FNIP2: variants seen among roughly 807,000 people sequenced by gnomAD.
FNIP2 encodes folliculin-interacting protein 2.
In FNIP2, 32 loss-of-function variants were observed where a neutral mutation model predicts 108.7. The ratio of observed to expected loss-of-function variants is 0.29; its 90% confidence interval spans 0.22 to 0.40. The LOEUF (loss-of-function observed/expected upper bound fraction) is 0.40. FNIP2 is among the 10% of genes least tolerant of loss of function. The pLI is 1.00. For missense variants in FNIP2, 1,202 were observed against 1,381.6 expected, an observed-to-expected ratio of 0.87 and a Z score of 2.06; for synonymous variants, 480 against 496.7, an observed-to-expected ratio of 0.97 and a Z score of 0.45.
At chr4:158,792,194 G>T (rs1210002397) in intron 1 of FNIP2, among the ~76,000 whole-genome samples, 1 of 152,130 alleles carries the variant, frequency 6.6e-6, no homozygotes, top group Non-Finnish European at 1.5e-5. Flanking sequence ...ACCAAAATTT[G>T]TAACCCCAAA....
At chr4:158,872,497 T>C (rs1405577683) in intron 14 of FNIP2, 1 of 985,374 alleles carries the variant, frequency 1.0e-6, no homozygotes, top group Non-Finnish European at 1.2e-6. Context: ...GATCGAAAGT[T>C]ATTAAGCATA....
rs34074378 is a variant in FNIP2, at chr4:158,866,221, C to CTTTTTTTTTTTTTTTTTTTTTTTTTTTT, written c.1466-1866_1466-1865insTTTTTTTTTTTTTTTTTTTTTTTTTTTT. 1.7e-4 allele frequency among the ~76,000 whole-genome samples: 10 copies of CTTTTTTTTTTTTTTTTTTTTTTTTTTTT among 59,778 alleles called. 4 individuals are homozygous for CTTTTTTTTTTTTTTTTTTTTTTTTTTTT. Among genetic ancestry groups the CTTTTTTTTTTTTTTTTTTTTTTTTTTTT allele is most frequent in the Non-Finnish European group, 2.0e-4 (7 of 35,740 alleles). 39.2% of individuals were successfully genotyped at this position (59,778 alleles called of 152,430 possible). Reference sequence around the variant, plus strand: ...GATTTGTTCCAATATTCTGGTTATTCTTTTTTTTTTTTTTTGAGACAGAGT... The same window carrying CTTTTTTTTTTTTTTTTTTTTTTTTTTTT: ...GATTTGTTCCAATATTCTGGTTATTCTTTTTTTTTTTTTTTTTTTTTTTTTTTTTTTTTTTTTTTTTTTGAGACAGAGT... On this transcript the variant is annotated intron_variant, in intron 12 of 16. Coordinates refer to ENST00000264433, the MANE Select transcript of FNIP2 (RefSeq NM_020840.3).
chr4:158,798,150 A>G (rs764020601), intron 1 of FNIP2, among the ~76,000 whole-genome samples: 2 of 151,912 alleles, frequency 1.3e-5, no homozygotes, highest in Non-Finnish European at 2.9e-5. Context: ...CCGCAGCCTC[A>G]AACTCCTGGG....
intron 12 of FNIP2, among the ~76,000 whole-genome samples, chr4:158,863,509 C>T (rs141396884): frequency 2.0e-3 from 304 of 152,266 alleles, no homozygotes; most frequent in African/African-American, 6.0e-3. Context: ...GGGAGGGAAG[C>T]CGGATGCCAC....
At chr4:158,871,874 C>G (rs1780971389) in intron 14 of FNIP2, 1 of 985,248 alleles carries the variant, frequency 1.0e-6, no homozygotes, top group South Asian at 4.7e-5. Context: ...CTAAGTTGTC[C>G]AAAACGATGT....
At chr4:158,884,128 A>G (rs369712552) in intron 14 of FNIP2, among the ~76,000 whole-genome samples, 1 of 152,162 alleles carries the variant, frequency 6.6e-6, no homozygotes, top group Non-Finnish European at 1.5e-5. Flanking sequence ...GTGAAATACT[A>G]GTCATTTAAA....
At chr4:158,822,462 A>G (rs1357182445) in intron 1 of FNIP2, among the ~76,000 whole-genome samples, 1 of 152,130 alleles carries the variant, frequency 6.6e-6, no homozygotes, top group African/African-American at 2.4e-5. Flanking sequence ...GACATGAGCC[A>G]TTGTGCCTGA....
chr4:158,903,345 A>C (rs1729524268), intron 16 of FNIP2, among the ~76,000 whole-genome samples: 3 of 152,150 alleles, frequency 2.0e-5, no homozygotes, highest in Non-Finnish European at 4.4e-5. Flanking sequence ...AGCCGGGTAC[A>C]TCAGTTGGAA....
intron 1 of FNIP2, among the ~76,000 whole-genome samples, chr4:158,817,077 C>A (rs1578858419): frequency 6.6e-6 from 1 of 152,118 alleles, no homozygotes; most frequent in Admixed American, 6.5e-5. Context: ...CTGCCTTGGC[C>A]TCCCAAAGTG....
chr4:158,881,432 GGTCTCCCTCTCC>G, intron 14 of FNIP2, among the ~76,000 whole-genome samples: 1 of 119,328 alleles, frequency 8.4e-6, no homozygotes, highest in Non-Finnish European at 1.8e-5. Flanking sequence ...CTCTTTCCAC[GGTCTCCCTCTCC>G]CTCTCTTTCC....
At position 158,811,192 on chromosome 4, in the gene FNIP2, C is replaced by G. The variant is rs145063883; in HGVS notation, c.108-14724C>G. 3.3e-5 allele frequency among the ~76,000 whole-genome samples: 5 copies of G among 152,282 alleles called. No individual in the cohort carries two copies. In the South Asian group the frequency reaches 6.2e-4, roughly 19 times the overall value. ...GGGATATTTAGGTATCAGGTGTACA[C>G]CCATCCATCAGCCTTATGTCTTTAA... is the stretch of plus-strand genomic sequence containing the variant. On this transcript the variant is annotated intron_variant, in intron 1 of 16. Transcript: ENST00000264433.
chr4:158,872,041 A>C, intron 14 of FNIP2: 1 of 984,590 alleles, frequency 1.0e-6, no homozygotes, highest in Non-Finnish European at 1.2e-6. Context: ...TTTGATTTCT[A>C]ACAATATTGG....
chr4:158,898,181 T>C (rs1317486461), intron 16 of FNIP2, among the ~76,000 whole-genome samples: 1 of 152,204 alleles, frequency 6.6e-6, no homozygotes, highest in Non-Finnish European at 1.5e-5. Flanking sequence ...GCCTCAGTTC[T>C]GTTCCATTGG....
chr4:158,824,163 A>G lies in FNIP2; in HGVS notation c.108-1753A>G, dbSNP rs1407855390. Among the ~76,000 whole-genome samples, 4 of 152,108 alleles carry G rather than the reference A, an allele frequency of 2.6e-5. No homozygotes were observed. The East Asian group carries it at 7.7e-4, about 29-fold the overall frequency. The stretch of plus-strand genomic sequence containing the variant: ...TTCTTTAAAAATCATAACATTACCA[A>G]TCCTCTGAGGCAATTATTGCCATTT... On this transcript the variant is annotated intron_variant, in intron 1 of 16. Coordinates refer to ENST00000264433, the MANE Select transcript of FNIP2 (RefSeq NM_020840.3).
intron 8 of FNIP2, among the ~76,000 whole-genome samples, chr4:158,858,732 G>C (rs1261599948): frequency 6.6e-6 from 1 of 152,024 alleles, no homozygotes; most frequent in Non-Finnish European, 1.5e-5. Context: ...ACTATGTTTT[G>C]GATAAACAGA....
intron 14 of FNIP2, among the ~76,000 whole-genome samples, chr4:158,878,840 G>A (rs563740555): frequency 6.6e-6 from 1 of 152,172 alleles, no homozygotes; most frequent in African/African-American, 2.4e-5. Flanking sequence ...AGGATAATGT[G>A]ATAAATGATC....
chr4:158,784,614 G>C (rs1432644692), intron 1 of FNIP2, among the ~76,000 whole-genome samples: 2 of 152,228 alleles, frequency 1.3e-5, no homozygotes, highest in Non-Finnish European at 2.9e-5. Context: ...GATAGTGACA[G>C]ATCATCAGAC....
At chr4:158,876,828 CT>C (rs1314171093) in intron 14 of FNIP2, among the ~76,000 whole-genome samples, 39 of 152,190 alleles carry the variant, frequency 2.6e-4, no homozygotes, top group Admixed American at 2.6e-3. Flanking sequence ...GATGATCTTT[CT>C]TTAAAGAAAC....
chr4:158,787,278 G>A (rs1776254322), intron 1 of FNIP2, among the ~76,000 whole-genome samples: 1 of 152,230 alleles, frequency 6.6e-6, no homozygotes, highest in Non-Finnish European at 1.5e-5. Flanking sequence ...GGATACTGAA[G>A]TTGGGAATTA....
Sources: allele counts gnomAD v4.1 joint callset (sites outside exome capture counted in the v4.1 genomes callset), GRCh38; gene constraint gnomAD v4.1.1; transcripts MANE v1.5; gene names NCBI Gene and HGNC (gene_info 2026-07-23, HGNC 2026-07-21).